Variants in SORBS2 observed in about 807,000 individuals in gnomAD.
SORBS2 encodes the protein sorbin and SH3 domain containing 2, also known as sorbin and SH3 domain-containing protein 2.
A neutral mutation model predicts 97.7 loss-of-function variants in SORBS2; 46 were observed. The ratio of observed to expected loss-of-function variants is 0.47; its 90% CI spans 0.37 to 0.60. The LOEUF is 0.60. Ranked by LOEUF, SORBS2 falls within the 20% of genes least tolerant of loss-of-function variation. The pLI, the probability that SORBS2 is intolerant of heterozygous loss-of-function variation, is 0.00. For synonymous variants in SORBS2, 476 were observed against 473.4 expected, an observed-to-expected ratio of 1.01 and a Z score of -0.07; for missense variants, 1,316 against 1,282.3, an observed-to-expected ratio of 1.03 and a Z score of -0.40.
intron 4 of SORBS2, 85 bp downstream of exon 15, chr4:185,637,994 A>T (rs1457092736): frequency 2.4e-6 from 2 of 847,602 alleles, no homozygotes; most frequent in African/African-American, 3.3e-5. Flanking sequence ...TCTCTGAATG[A>T]CACCCACGTC....
intron 1 of SORBS2, among the ~76,000 whole-genome samples, chr4:185,916,463 T>G (rs570312699): frequency 6.6e-6 from 1 of 152,346 alleles, no homozygotes; most frequent in South Asian, 2.1e-4. Flanking sequence ...TGAAGCATAG[T>G]GAGCCAATTC....
At chr4:185,731,892 ATATATATATATATATAT>A (rs1490188455) in intron 2 of SORBS2, among the ~76,000 whole-genome samples, 32 of 94,740 alleles carry the variant, frequency 3.4e-4, no homozygotes, top group African/African-American at 1.1e-3. Context: ...ATATATATAT[ATATATATATATATATAT>A]GTCTGTTTCT....
chr4:185,765,978 T>A (rs1584425887), intron 2 of SORBS2, among the ~76,000 whole-genome samples: 1 of 152,178 alleles, frequency 6.6e-6, no homozygotes, highest in African/African-American at 2.4e-5. Flanking sequence ...AAAAAGAAAA[T>A]TCTAATGATT....
intron 2 of SORBS2, 175 bp downstream of exon 3, chr4:185,733,924 G>A (rs112726099): frequency 0.01 from 1,582 of 152,398 alleles, 8 homozygotes; most frequent in Middle Eastern, 0.034. Context: ...GGAGTGGCAC[G>A]TACGTGAACG....
chr4:185,944,147 C>G (rs1291759934), intron 1 of SORBS2, among the ~76,000 whole-genome samples: 1 of 152,188 alleles, frequency 6.6e-6, no homozygotes, highest in Non-Finnish European at 1.5e-5. Flanking sequence ...ATGCTTCACA[C>G]AGGAAAGCCC....
intron 2 of SORBS2, among the ~76,000 whole-genome samples, chr4:185,685,921 A>G (rs1457100841): frequency 6.6e-6 from 1 of 152,194 alleles, no homozygotes; most frequent in Non-Finnish European, 1.5e-5. Context: ...CAGCCATTTT[A>G]ATGTGCTATG....
intron 4 of SORBS2, among the ~76,000 whole-genome samples, chr4:185,671,064 G>A (rs1452215287): frequency 2.6e-5 from 4 of 152,200 alleles, no homozygotes; most frequent in African/African-American, 9.7e-5. Flanking sequence ...GAAGGATGGA[G>A]GGTAGCTGCC....
chr4:185,863,512 GAGTTATTTCAC>G (rs1384924019), intron 1 of SORBS2, among the ~76,000 whole-genome samples: 1 of 152,188 alleles, frequency 6.6e-6, no homozygotes, highest in East Asian at 1.9e-4. Context: ...GTTTAGAATT[GAGTTATTTCAC>G]AGATTAGTTT....
intron 1 of SORBS2, among the ~76,000 whole-genome samples, chr4:185,793,479 CTTTGAGT>C (rs2153649458): frequency 6.6e-6 from 1 of 152,304 alleles, no homozygotes; most frequent in Non-Finnish European, 1.5e-5. Flanking sequence ...AATGAAGTTT[CTTTGAGT>C]TTTAAGTTGG....
chr4:185,596,530 CTTTTTTT>C (rs58831094), intron 12 of SORBS2, among the ~76,000 whole-genome samples: 2 of 77,432 alleles, frequency 2.6e-5, no homozygotes, highest in Non-Finnish European at 4.6e-5. Context: ...ACCGTCCTTG[CTTTTTTT>C]TTTTTTTTTT....
At chr4:185,692,338 C>A (rs11132335) in intron 2 of SORBS2, among the ~76,000 whole-genome samples, 30,829 of 152,206 alleles carry the variant, frequency 0.2, 3,453 homozygotes, top group East Asian at 0.38. Context: ...TTATTTATTC[C>A]TTTTGGATGA....
rs149727364 is a variant in SORBS2 at position 185,818,125 on chromosome 4, T to C, written c.-337-42759A>G. ...TGCTTGCAGAATATTGGATGGGAGCTATAACCCAGAATGGTAATTATTTTA... is the reference window on the plus strand; with the variant it reads ...TGCTTGCAGAATATTGGATGGGAGCCATAACCCAGAATGGTAATTATTTTA... On this transcript the variant is annotated intron_variant, in intron 1 of 20. Coordinates refer to the SORBS2 transcript ENST00000284776. Among the ~76,000 whole-genome samples, 261 of 152,344 alleles carry C rather than the reference T, an allele frequency of 1.7e-3. 2 individuals are homozygous for C. Among genetic ancestry groups the C allele is most frequent in the Non-Finnish European group, 1.3e-3 (90 of 68,028 alleles).
At chr4:185,875,781 T>C (rs964808870) in intron 1 of SORBS2, among the ~76,000 whole-genome samples, 1 of 152,244 alleles carries the variant, frequency 6.6e-6, no homozygotes, top group Non-Finnish European at 1.5e-5. Flanking sequence ...GACACACATA[T>C]ACAGTGTTGC....
intron 2 of SORBS2, chr4:185,756,936 G>C: frequency 6.9e-7 from 1 of 1,441,054 alleles, no homozygotes; most frequent in Non-Finnish European, 9.7e-7. Context: ...TCATTTCTGG[G>C]TAAGGGAAAA....
chr4:185,677,679 A>G lies in SORBS2; in HGVS notation c.-46+744T>C, dbSNP rs1363786632. 4.2e-6 allele frequency: 6 copies of G among 1,431,836 alleles called. No homozygotes were observed. In the East Asian group the frequency reaches 1.5e-4, roughly 37 times the overall value. 88.7% of individuals were successfully genotyped at this position (1,431,836 alleles called of 1,614,324 possible). On this transcript the variant is annotated intron_variant, in intron 4 of 20. Transcript: ENST00000284776. The stretch of plus-strand genomic sequence containing the variant: ...GATCCAGAGAAAGAAATAAAGTTGA[A>G]AGAAAAACAGAGAAAGTCCAAGTTA...
intron 2 of SORBS2, among the ~76,000 whole-genome samples, chr4:185,750,498 G>A (rs558954631): frequency 2.6e-5 from 4 of 152,288 alleles, no homozygotes; most frequent in African/African-American, 7.2e-5. Context: ...TACACATGCT[G>A]TTCCAGTGTC....
At chr4:185,810,394 A>G (rs1363137661) in intron 1 of SORBS2, among the ~76,000 whole-genome samples, 3 of 152,238 alleles carry the variant, frequency 2.0e-5, no homozygotes, top group Non-Finnish European at 4.4e-5. Flanking sequence ...GACTCATGTC[A>G]TCCAGATTTT....
intron 1 of SORBS2, among the ~76,000 whole-genome samples, chr4:185,776,813 T>C (rs1339162946): frequency 6.7e-6 from 1 of 149,830 alleles, no homozygotes; most frequent in South Asian, 2.1e-4. Flanking sequence ...GGCAGGAGAA[T>C]CGCTTGAAGC....
chr4:185,933,629 C>T (rs115317197), intron 1 of SORBS2, among the ~76,000 whole-genome samples: 3 of 152,120 alleles, frequency 2.0e-5, no homozygotes, highest in African/African-American at 7.2e-5. Context: ...ATTCCCCTTG[C>T]GCGTGTGTCC....
Sources: allele counts gnomAD v4.1 joint callset (sites outside exome capture counted in the v4.1 genomes callset), GRCh38; gene constraint gnomAD v4.1.1; transcripts MANE v1.5; gene names NCBI Gene and HGNC (gene_info 2026-07-23, HGNC 2026-07-21).